Variants in FGGY observed in about 807,000 individuals in gnomAD.
The protein encoded by FGGY is FGGY carbohydrate kinase domain-containing protein.
Under a neutral mutation model 71.3 loss-of-function variants are expected in FGGY, and 72 were observed. That is an observed-to-expected ratio of 1.01 (90% confidence interval 0.84 to 1.23). FGGY has a LOEUF of 1.23. FGGY is among the 50% of genes most tolerant of loss of function. The pLI, the probability that FGGY is intolerant of heterozygous loss-of-function variation, is 0.00. For synonymous variants in FGGY, 251 were observed against 250.3 expected, an observed-to-expected ratio of 1.00 and a Z score of -0.02; for missense variants, 668 against 682.3, an observed-to-expected ratio of 0.98 and a Z score of 0.23.
At chr1:59,641,447 A>T (rs2097026375) in intron 11 of FGGY, 3 of 1,005,600 alleles carry the variant, frequency 3.0e-6, no homozygotes, top group South Asian at 2.9e-5. Flanking sequence ...CAGGTAATAC[A>T]AAGAAAACAG....
intron 6 of FGGY, among the ~76,000 whole-genome samples, chr1:59,502,015 C>A (rs1280689806): frequency 6.6e-6 from 1 of 152,204 alleles, no homozygotes; most frequent in Non-Finnish European, 1.5e-5. Context: ...CATGCTAAAA[C>A]ACTTATTTGC....
chr1:59,686,260 G>C (rs2097543268), intron 14 of FGGY, among the ~76,000 whole-genome samples: 1 of 152,106 alleles, frequency 6.6e-6, no homozygotes. Context: ...TGCAAACAAA[G>C]CTGTGTTACT....
At chr1:59,598,600 C>T (rs985112379) in intron 8 of FGGY, among the ~76,000 whole-genome samples, 11 of 152,246 alleles carry the variant, frequency 7.2e-5, no homozygotes, top group African/African-American at 2.4e-4. Flanking sequence ...CAGGAGATAC[C>T]TGTGGATAGG....
At chr1:59,761,705 C>T (rs946741919) in intron 15 of FGGY, among the ~76,000 whole-genome samples, 7 of 152,174 alleles carry the variant, frequency 4.6e-5, no homozygotes, top group African/African-American at 7.2e-5. Context: ...GGGAGAGCAA[C>T]GGCCACTGTG....
chr1:59,599,095 CGTTT>C (rs5774477), intron 8 of FGGY, among the ~76,000 whole-genome samples: 36,258 of 151,364 alleles, frequency 0.24, 4,928 homozygotes, highest in East Asian at 0.51. Flanking sequence ...TACACATGTT[CGTTT>C]GTTTGTTTGT....
At chr1:59,414,422 C>T (rs11582325) in intron 5 of FGGY, among the ~76,000 whole-genome samples, 26,139 of 152,144 alleles carry the variant, frequency 0.17, 2,755 homozygotes, top group East Asian at 0.36. Context: ...TTCATCTTCA[C>T]ATAAGGATAG....
intron 4 of FGGY, among the ~76,000 whole-genome samples, chr1:59,355,210 C>T (rs2054071666): frequency 6.6e-6 from 1 of 151,834 alleles, no homozygotes; most frequent in Non-Finnish European, 1.5e-5. Context: ...CAACAACAAA[C>T]TTCATACTGT....
At chr1:59,609,272 TC>T (rs1471239602) in intron 9 of FGGY, among the ~76,000 whole-genome samples, 2 of 152,174 alleles carry the variant, frequency 1.3e-5, no homozygotes, top group African/African-American at 4.8e-5. Context: ...AGAGACCACA[TC>T]CCTGTAAAAC....
At chr1:59,586,467 T>G (rs2096289267) in intron 8 of FGGY, among the ~76,000 whole-genome samples, 1 of 150,918 alleles carries the variant, frequency 6.6e-6, no homozygotes. Context: ...TGAGAACACA[T>G]GGACACAGGA....
intron 14 of FGGY, among the ~76,000 whole-genome samples, chr1:59,685,243 C>A (rs1305734221): frequency 6.6e-6 from 1 of 151,952 alleles, no homozygotes; most frequent in Non-Finnish European, 1.5e-5. Context: ...TTTCCTTCTG[C>A]TTGAGGGAAT....
At chr1:59,546,529 GATGATGATT>G (rs1488733637) in intron 7 of FGGY, among the ~76,000 whole-genome samples, 30 of 91,666 alleles carry the variant, frequency 3.3e-4, no homozygotes, top group Non-Finnish European at 4.6e-4. Flanking sequence ...TGATGATGAT[GATGATGATT>G]ATTATTATTA....
At chr1:59,733,482 T>C (rs72668027) in intron 14 of FGGY, among the ~76,000 whole-genome samples, 2,172 of 151,682 alleles carry the variant, frequency 0.014, 18 homozygotes, top group Non-Finnish European at 0.023. Context: ...TTGTTTTGTT[T>C]TTTAAAGCAA....
chr1:59,738,675 T>C, intron 14 of FGGY, among the ~76,000 whole-genome samples: 1 of 152,234 alleles, frequency 6.6e-6, no homozygotes, highest in African/African-American at 2.4e-5. Context: ...ATCAAAGTAC[T>C]AGGACCAGAG....
At chr1:59,311,950 G>A (rs1216602122) in intron 1 of FGGY, among the ~76,000 whole-genome samples, 1 of 152,178 alleles carries the variant, frequency 6.6e-6, no homozygotes, top group Non-Finnish European at 1.5e-5. Context: ...ATTCTGACTG[G>A]CATGAGATAG....
chr1:59,534,270 A>G (rs1558252242), intron 7 of FGGY, among the ~76,000 whole-genome samples: 1 of 152,128 alleles, frequency 6.6e-6, no homozygotes. Flanking sequence ...GTGAGAAGGG[A>G]AGATTAGAGA....
intron 14 of FGGY, among the ~76,000 whole-genome samples, chr1:59,728,245 G>T (rs2097973847): frequency 6.6e-6 from 1 of 151,876 alleles, no homozygotes; most frequent in South Asian, 2.1e-4. Context: ...TAGTATACAT[G>T]TTTAATCTAA....
intron 9 of FGGY, among the ~76,000 whole-genome samples, chr1:59,608,972 G>A (rs1383214299): frequency 6.6e-6 from 1 of 152,222 alleles, no homozygotes; most frequent in Non-Finnish European, 1.5e-5. Context: ...TCATAAAAGT[G>A]AGATGAGTGC....
intron 1 of FGGY, among the ~76,000 whole-genome samples, chr1:59,318,111 AT>A (rs2045780510): frequency 6.6e-6 from 1 of 152,202 alleles, no homozygotes; most frequent in Admixed American, 6.5e-5. Context: ...ATTACTGTCA[AT>A]TGTATTACTG....
rs1462706484 is a variant in FGGY, at chr1:59,699,926, T to C, written c.1512+25793T>C. Among the ~76,000 whole-genome samples the C allele has an allele frequency of 3.3e-5, 5 of 152,186 alleles. No individual in the cohort carries two copies. In the South Asian group the frequency reaches 1.0e-3, roughly 31 times the overall value. ...CAATATTCTATATCCATATTCACCC[T>C]TATAAAGTTGTCATTGAGACTTTTA... On this transcript the variant is annotated intron_variant, in intron 14 of 15. Transcript: ENST00000303721.
Sources: gnomAD v4.1 joint callset for allele counts (sites outside exome capture counted in the v4.1 genomes callset) on GRCh38, gnomAD v4.1.1 for gene constraint, MANE v1.5 for transcripts, NCBI Gene and HGNC (gene_info 2026-07-23, HGNC 2026-07-21) for gene names.